STON1: variants seen among roughly 807,000 people sequenced by gnomAD.
STON1 encodes stonin 1, also known as stonin-1.
STON1 carries 79 observed loss-of-function variants against 60.9 expected under a neutral mutation model. The observed-to-expected ratio is 1.30, with a 90% CI of 1.08 to 1.56. The LOEUF (loss-of-function observed/expected upper bound fraction) is 1.56. Ranked by LOEUF, STON1 falls within the 40% of genes most tolerant of loss-of-function variation. The pLI is 0.00. For synonymous variants in STON1, 363 were observed against 306.9 expected (o/e 1.18, Z -1.91); for missense variants, 1,166 against 858.9 (o/e 1.36, Z -4.47).
intron 1 of STON1, among the ~76,000 whole-genome samples, chr2:48,569,513 C>A (rs1329846735): frequency 6.6e-6 from 1 of 152,172 alleles, no homozygotes; most frequent in African/African-American, 2.4e-5. Context: ...TAAAATTATT[C>A]AATCAGAAAT....
At chr2:48,563,590 G>A (rs138268423) in intron 1 of STON1, among the ~76,000 whole-genome samples, 211 of 152,318 alleles carry the variant, frequency 1.4e-3, no homozygotes, top group African/African-American at 4.9e-3. Context: ...AGAGGTAAAG[G>A]TGGACTGTGT....
chr2:48,538,897 G>A (rs1671542284), intron 1 of STON1, among the ~76,000 whole-genome samples: 1 of 151,528 alleles, frequency 6.6e-6, no homozygotes, highest in African/African-American at 2.4e-5. Flanking sequence ...GGATTATAGG[G>A]ATGAGCCACT....
At chr2:48,544,283 A>G (rs529289638) in intron 1 of STON1, among the ~76,000 whole-genome samples, 2 of 152,264 alleles carry the variant, frequency 1.3e-5, no homozygotes, top group East Asian at 3.9e-4. Context: ...GGAATTATGG[A>G]TTTGCCTTCA....
intron 1 of STON1, among the ~76,000 whole-genome samples, chr2:48,572,002 A>C (rs575821687): frequency 3.3e-4 from 50 of 152,220 alleles, no homozygotes; most frequent in African/African-American, 1.1e-3. Context: ...GTCTCTACTA[A>C]AAATACAAAA....
chr2:48,584,670 T>C (rs1403108129), intron 2 of STON1, among the ~76,000 whole-genome samples: 2 of 130,774 alleles, frequency 1.5e-5, no homozygotes, highest in Non-Finnish European at 3.3e-5. Flanking sequence ...GGGTGGGCGG[T>C]GGGGAGGGAG....
rs190041850 is a variant in STON1 at position 48,542,319 on chromosome 2, G to A, written c.-48+12103G>A. The stretch of plus-strand genomic sequence containing the variant: ...TCAGTGTCCTTCTATCAGTGACAAT[G>A]GGAAAGAAATGGGCTTTGGAGTCAA... On this transcript the variant is annotated intron_variant, in intron 1 of 3. Transcript: ENST00000404752. 6.0e-4 allele frequency among the ~76,000 whole-genome samples: 92 copies of A among 152,276 alleles called. 2 individuals are homozygous for A. The highest frequency in any genetic ancestry group is 3.5e-4 in the Non-Finnish European group (24 of 68,020).
intron 1 of STON1, among the ~76,000 whole-genome samples, chr2:48,550,694 T>C (rs1478987121): frequency 6.6e-6 from 1 of 151,612 alleles, no homozygotes; most frequent in Non-Finnish European, 1.5e-5. Flanking sequence ...GGATGATAAC[T>C]GGTTAGCTCA....
chr2:48,582,144 T>G lies in STON1; in HGVS notation c.1511T>G (p.Phe504Cys), dbSNP rs775733027. The change falls in exon 2 of 4, where the codon TTT becomes TGT. Residue 504 changes from phenylalanine to cysteine, a missense_variant. Physicochemically the swap from Phe to Cys is radical, Grantham distance 205. Coordinates refer to ENST00000404752, the MANE Select transcript of STON1 (RefSeq NM_006873.4). Reference protein sequence around the residue: ...QEFEQSRIIKFVPLDACRFEL... With the variant: ...QEFEQSRIIKCVPLDACRFEL... ...TTTGAGCAATCAAGAATCATTAAGT[T>G]TGTACCTCTGGATGCCTGCCGGTTT... 1.1e-5 allele frequency: 17 copies of G among 1,614,132 alleles called. No homozygotes were observed. In the South Asian group the frequency reaches 1.8e-4, roughly 17 times the overall value.
intron 2 of STON1, among the ~76,000 whole-genome samples, chr2:48,589,778 C>G (rs147676101): frequency 3.3e-5 from 5 of 152,030 alleles, no homozygotes; most frequent in African/African-American, 1.2e-4. Context: ...TTTTTAACTC[C>G]GAATGTGTAA....
At chr2:48,540,601 C>G (rs559975987) in intron 1 of STON1, among the ~76,000 whole-genome samples, 1 of 152,228 alleles carries the variant, frequency 6.6e-6, no homozygotes, top group Non-Finnish European at 1.5e-5. Context: ...CTGTATCTTT[C>G]GCAGTATTCT....
chr2:48,538,763 A>ATTTTTTTTTT (rs34052598), intron 1 of STON1, among the ~76,000 whole-genome samples: 4 of 86,362 alleles, frequency 4.6e-5, no homozygotes, highest in African/African-American at 9.2e-5. Context: ...ACACCCAGCT[A>ATTTTTTTTTT]TTTTTTTTTT....
chr2:48,593,903 A>G (rs952402278), intron 3 of STON1, among the ~76,000 whole-genome samples: 2 of 152,116 alleles, frequency 1.3e-5, no homozygotes, highest in African/African-American at 2.4e-5. Flanking sequence ...TGAAGGATGT[A>G]TTTCCCCAGC....
chr2:48,585,647 T>C (rs1387905323), intron 2 of STON1, among the ~76,000 whole-genome samples: 7 of 152,238 alleles, frequency 4.6e-5, no homozygotes, highest in Admixed American at 4.6e-4. Context: ...AGGTTCCAAA[T>C]GGTCTATTCT....
At chr2:48,551,007 T>G (rs1405630442) in intron 1 of STON1, among the ~76,000 whole-genome samples, 1 of 151,026 alleles carries the variant, frequency 6.6e-6, no homozygotes, top group Non-Finnish European at 1.5e-5. Context: ...TTTCTTTTAC[T>G]GGTTTCTGTA....
intron 1 of STON1, among the ~76,000 whole-genome samples, chr2:48,557,947 G>T (rs1053257687): frequency 6.6e-6 from 1 of 152,206 alleles, no homozygotes; most frequent in African/African-American, 2.4e-5. Context: ...AATCTGTCAG[G>T]TGCGGTGGCT....
chr2:48,563,493 A>G (rs1188994876), intron 1 of STON1, among the ~76,000 whole-genome samples: 1 of 152,184 alleles, frequency 6.6e-6, no homozygotes, highest in African/African-American at 2.4e-5. Flanking sequence ...AGACCCTGCT[A>G]AGTCAAAGAA....
chr2:48,571,535 A>T (rs139653729), intron 1 of STON1, among the ~76,000 whole-genome samples: 1 of 152,210 alleles, frequency 6.6e-6, no homozygotes, highest in African/African-American at 2.4e-5. Flanking sequence ...AATTACATAG[A>T]TGCTGCCCCT....
Position 48,582,517 on chromosome 2 carries a change from C to G in STON1, c.1884C>G (p.Tyr628Ter), listed in dbSNP as rs963894014. 1 of 1,613,986 alleles carries G rather than the reference C, an allele frequency of 6.2e-7. No individual in the cohort carries two copies. The highest frequency in any genetic ancestry group is 8.5e-7 in the Non-Finnish European group (1 of 1,180,006). The change falls in exon 2 of 4, where the codon TAC becomes TAG. Residue 628 changes from tyrosine (Y) to a stop codon, truncating the protein, a stop_gained. Coordinates refer to ENST00000404752, the MANE Select transcript of STON1 (RefSeq NM_006873.4). LOFTEE classifies it high-confidence loss of function. ...GGTCAGCAAAATATGAGAGTGCCTA[C>G]CAGGCAGTGGTATGGAAGATAGATC... The part of the protein sequence containing the change: ...TVGSAKYESA[Y>*]QAVVWKIDRL...
In STON1 at chr2:48,595,504, C is replaced by A; in HGVS notation, c.*202C>A. The A allele has an allele frequency of 3.8e-6, 2 of 523,690 alleles. No homozygotes were observed. Among genetic ancestry groups the A allele is most frequent in the South Asian group, 2.5e-5 (1 of 39,658 alleles). 32.4% of individuals were successfully genotyped at this position (523,690 alleles called of 1,614,324 possible). On this transcript the variant is annotated 3_prime_UTR_variant, in exon 4 of 4. Coordinates refer to ENST00000404752, the MANE Select transcript of STON1 (RefSeq NM_006873.4). Reference sequence around the variant, plus strand: ...TTCATGTGTTTTTGTCCTAGGGGTTCGATCTAAAATGTTTCTATAATTCGT... The same window carrying A: ...TTCATGTGTTTTTGTCCTAGGGGTTAGATCTAAAATGTTTCTATAATTCGT...
Sources: gnomAD v4.1 joint callset for allele counts (sites outside exome capture counted in the v4.1 genomes callset) on GRCh38, gnomAD v4.1.1 for gene constraint, MANE v1.5 for transcripts, NCBI Gene and HGNC (gene_info 2026-07-23, HGNC 2026-07-21) for gene names.